The following SYNE1 variants were observed in gnomAD, a reference collection of about 807,000 sequenced individuals.
SYNE1 encodes spectrin repeat containing nuclear envelope protein 1, also known as nesprin-1.
Under a neutral mutation model 1,111.0 loss-of-function variants are expected in SYNE1, and 616 were observed. The observed-to-expected ratio is 0.55, with a 90% CI of 0.52 to 0.59. SYNE1 has a LOEUF of 0.59. Among genes scored for constraint, SYNE1 ranks in the 20% least tolerant of loss-of-function variants. The pLI, the probability that SYNE1 is intolerant of heterozygous loss-of-function variation, is 0.00. For missense variants in SYNE1, 10,006 were observed against 10,417.0 expected (o/e 0.96, Z 1.72); for synonymous variants, 3,855 against 3,825.8 (o/e 1.01, Z -0.28).
intron 63 of SYNE1, among the ~76,000 whole-genome samples, chr6:152,362,942 G>A (rs746261467): frequency 6.6e-6 from 1 of 151,102 alleles, no homozygotes; most frequent in Non-Finnish European, 1.5e-5. Context: ...GTGCAGTGGC[G>A]CGATCTCGGC....
intron 14 of SYNE1, among the ~76,000 whole-genome samples, chr6:152,480,954 G>T (rs1232788575): frequency 1.3e-5 from 2 of 152,074 alleles, no homozygotes; most frequent in African/African-American, 4.8e-5. Context: ...GGTTGGCACA[G>T]GGTGTCTCTC....
chr6:152,377,625 AAAAAAAAAAAAAAAAATATATAT>A (rs1285187926), intron 56 of SYNE1, among the ~76,000 whole-genome samples: 22 of 107,690 alleles, frequency 2.0e-4, no homozygotes, highest in African/African-American at 1.0e-3. Flanking sequence ...AAAAAAAAAA[AAAAAAAAAAAAAAAAATATATAT>A]ATATATATAT....
At chr6:152,426,050 C>T (rs1045588200) in intron 38 of SYNE1, among the ~76,000 whole-genome samples, 8 of 152,134 alleles carry the variant, frequency 5.3e-5, no homozygotes, top group Non-Finnish European at 7.4e-5. Flanking sequence ...AACTTAAGGG[C>T]TCTTCATTTT....
chr6:152,414,248 TA>T (rs905758587), intron 41 of SYNE1, among the ~76,000 whole-genome samples: 19 of 150,098 alleles, frequency 1.3e-4, no homozygotes, highest in East Asian at 5.9e-4. Context: ...TACAAAAAAT[TA>T]AAAAAAAAAT....
At chr6:152,464,282 C>T (rs2098752029) in intron 18 of SYNE1, among the ~76,000 whole-genome samples, 1 of 152,086 alleles carries the variant, frequency 6.6e-6, no homozygotes, top group Non-Finnish European at 1.5e-5. Flanking sequence ...AACAAGGATA[C>T]CAAAGATAAT....
chr6:152,256,655 G>A lies in SYNE1; in HGVS notation c.19083C>T (p.Ala6361=), dbSNP rs374088995. ...VTSLLDGLNQ[A]FEEVSSQSGG... is the part of the protein sequence containing the mutation. ...TTACCTGGGATGAAACCTCCTCGAAGGCTTGGTTCAGTCCATCCAGCAAAG... is the reference window on the plus strand; with the variant it reads ...TTACCTGGGATGAAACCTCCTCGAAAGCTTGGTTCAGTCCATCCAGCAAAG... Residue 6361 remains alanine, a synonymous_variant, in exon 102 of 146, where the codon GCC becomes GCT. Coordinates refer to ENST00000367255, the MANE Select transcript of SYNE1 (RefSeq NM_182961.4). 4.3e-6 allele frequency: 7 copies of A among 1,613,860 alleles called. No homozygotes were observed. In the African/African-American group the frequency reaches 8.0e-5, roughly 18 times the overall value.
intron 135 of SYNE1, among the ~76,000 whole-genome samples, chr6:152,150,533 G>A (rs1223667728): frequency 1.3e-5 from 2 of 152,174 alleles, no homozygotes; most frequent in Non-Finnish European, 2.9e-5. Context: ...TCCATCCTGA[G>A]AATCCATGTC....
intron 46 of SYNE1, among the ~76,000 whole-genome samples, chr6:152,403,827 G>A (rs767467192): frequency 2.2e-4 from 34 of 152,004 alleles, no homozygotes; most frequent in African/African-American, 6.5e-4. Context: ...AAATGCTTCC[G>A]AAATTCAGTA....
At chr6:152,323,837 A>T in intron 81 of SYNE1, 100 bp from the exon 82 acceptor site, 1 of 1,348,274 alleles carries the variant, frequency 7.4e-7, no homozygotes, top group Non-Finnish European at 1.0e-6. Context: ...GAAGCCAATT[A>T]AAGATGATGA....
Position 152,399,689 on chromosome 6 carries a change from T to A in SYNE1, c.7164A>T (p.Lys2388Asn), listed in dbSNP as rs761974619. The change falls in exon 48 of 146, where the codon AAA becomes AAT. Residue 2388 changes from lysine to asparagine, a missense_variant. By Grantham distance (94) the Lys-to-Asn change is moderately conservative (BLOSUM62 0). Around this residue, in one of 7 missense-constraint regions of SYNE1, gnomAD observed 4,955 missense variants for 5,017.2 expected, o/e 0.99. Coordinates refer to ENST00000367255, the MANE Select transcript of SYNE1 (RefSeq NM_182961.4). ...LGRAMTGLIK[K>N]HEAVSQLCSK... is the part of the protein sequence containing the mutation. ...AGCACAACTGGCTCACGGCTTCATG[T>A]TTCTTTATCAGACCAGTCATTGCAC... 6.2e-7 allele frequency: 1 copy of A among 1,614,124 alleles called. No individual in the cohort carries two copies. Among genetic ancestry groups the A allele is most frequent in the South Asian group, 1.1e-5 (1 of 91,086 alleles).
rs6915135 is a variant in SYNE1, at chr6:152,177,761, T to C, written c.23461-1201A>G. Among the ~76,000 whole-genome samples the C allele has an allele frequency of 6.0e-3, 917 of 152,340 alleles. 10 individuals carry two copies. The highest frequency in any genetic ancestry group is 0.02 in the African/African-American group (850 of 41,578). ...CATTTGAGATGATTTTATTGAGAAG[T>C]GTTTCTTTCAAGGGAATTACTTTAA... On this transcript the variant is annotated intron_variant, in intron 129 of 145. Coordinates refer to ENST00000367255, the MANE Select transcript of SYNE1 (RefSeq NM_182961.4).
chr6:152,352,905 T>C (rs957804596), intron 69 of SYNE1, among the ~76,000 whole-genome samples: 1 of 152,206 alleles, frequency 6.6e-6, no homozygotes, highest in African/African-American at 2.4e-5. Flanking sequence ...GAACTTGATG[T>C]TTCTCTCATC....
chr6:152,445,100 A>C (rs925456877), intron 29 of SYNE1, among the ~76,000 whole-genome samples: 6 of 151,936 alleles, frequency 3.9e-5, no homozygotes, highest in African/African-American at 1.4e-4. Flanking sequence ...AACCCATTCA[A>C]CCTGGTAATC....
In SYNE1 at chr6:152,483,355, T is replaced by G; in HGVS notation, c.1186-106A>C. The G allele has an allele frequency of 8.3e-6, 8 of 966,358 alleles. No individual in the cohort carries two copies. The South Asian group carries it at 1.1e-4, about 14-fold the overall frequency. 59.9% of individuals were successfully genotyped at this position (966,358 alleles called of 1,614,324 possible). A position where few individuals can be genotyped will look rare whatever the true frequency, so the allele number is the denominator to read the frequency against. On this transcript the variant is annotated intron_variant, in intron 13 of 145. Coordinates refer to ENST00000367255, the MANE Select transcript of SYNE1 (RefSeq NM_182961.4). Reference sequence around the variant, plus strand: ...CATACATAAAGCTTTAAGTTAATGATTTCAGGCTAAGTTAATAAATATCAA... The same window carrying G: ...CATACATAAAGCTTTAAGTTAATGAGTTCAGGCTAAGTTAATAAATATCAA...
rs79377201 is a variant in SYNE1, at chr6:152,409,289, T to C, written c.6382-63A>G. 4,090 of 1,525,582 alleles carry C rather than the reference T, an allele frequency of 2.7e-3. 96 individuals are homozygous for C. The African/African-American group carries it at 0.049, about 18-fold the overall frequency. 94.5% of individuals were successfully genotyped at this position (1,525,582 alleles called of 1,614,324 possible). A position where few individuals can be genotyped will look rare whatever the true frequency, so the allele number is the denominator to read the frequency against. The stretch of plus-strand genomic sequence containing the variant: ...GTGATAAGTCATGAGTTTAAAACCA[T>C]TTGTCTCTAAGAAATTTAATTCATA... On this transcript the variant is annotated intron_variant, in intron 43 of 145. Coordinates refer to ENST00000367255, the MANE Select transcript of SYNE1 (RefSeq NM_182961.4).
intron 3 of SYNE1, among the ~76,000 whole-genome samples, chr6:152,613,271 CCTT>C (rs1480122397): frequency 1.3e-5 from 2 of 152,200 alleles, no homozygotes; most frequent in Non-Finnish European, 2.9e-5. Context: ...CCCCAAATCT[CCTT>C]AAGCTGATAA....
rs1415586901 is a variant in SYNE1 at position 152,547,417 on chromosome 6, T to A, written c.68-7396A>T. 3.3e-5 allele frequency among the ~76,000 whole-genome samples: 5 copies of A among 152,340 alleles called. No individual in the cohort carries two copies. The East Asian group carries it at 9.6e-4, about 29-fold the overall frequency. On this transcript the variant is annotated intron_variant, in intron 3 of 145. Coordinates refer to ENST00000367255, the MANE Select transcript of SYNE1 (RefSeq NM_182961.4). ...AAAGAGCCGTACATATTTTGTACAT[T>A]ATATATTCTGTCACCTGCAGTAACT... is the stretch of plus-strand genomic sequence containing the variant.
At chr6:152,465,166 AAT>A in intron 18 of SYNE1, 90 bp downstream of exon 18, 2 of 1,409,406 alleles carry the variant, frequency 1.4e-6, no homozygotes, top group Non-Finnish European at 2.0e-6. Context: ...GACACTTGTA[AAT>A]ATATGCGACC....
intron 74 of SYNE1, among the ~76,000 whole-genome samples, chr6:152,340,372 T>C (rs1259795901): frequency 1.3e-5 from 2 of 152,224 alleles, no homozygotes; most frequent in Admixed American, 1.3e-4. Flanking sequence ...TGCTGGGTTT[T>C]GTCTCTAGTC....
Sources: gnomAD v4.1 joint callset for allele counts (sites outside exome capture counted in the v4.1 genomes callset) on GRCh38, gnomAD v4.1.1 for gene constraint, gnomAD v4.1.1 regional missense constraint, MANE v1.5 for transcripts, NCBI Gene and HGNC (gene_info 2026-07-23, HGNC 2026-07-21) for gene names.